EPHA6: variants seen among roughly 807,000 people sequenced by gnomAD.
The protein encoded by EPHA6 is EPH receptor A6.
Under a neutral mutation model 112.0 loss-of-function variants are expected in EPHA6, and 50 were observed. The ratio of observed to expected loss-of-function variants is 0.45; its 90% CI spans 0.36 to 0.56. The LOEUF (loss-of-function observed/expected upper bound fraction) is 0.56, where lower values mean the gene tolerates loss of function less well. EPHA6 is among the 20% of genes least tolerant of loss of function. The probability of loss-of-function intolerance (pLI) is 0.00; values close to 1 mark genes in which losing one functional copy is unlikely to be tolerated. For synonymous variants in EPHA6, 529 were observed against 490.7 expected (o/e 1.08, Z -1.03); for missense variants, 1,280 against 1,417.4 (o/e 0.90, Z 1.56).
At chr3:96,961,854 A>G (rs112062944) in intron 2 of EPHA6, among the ~76,000 whole-genome samples, 2 of 152,156 alleles carry the variant, frequency 1.3e-5, no homozygotes, top group Non-Finnish European at 2.9e-5. Context: ...TGATTTTGAG[A>G]TAGGAATTTT....
chr3:97,272,761 T>C (rs1352829414), intron 5 of EPHA6, among the ~76,000 whole-genome samples: 1 of 152,014 alleles, frequency 6.6e-6, no homozygotes, highest in East Asian at 1.9e-4. Context: ...TTCACTTCTT[T>C]TGTGGTGGAA....
At position 97,760,632 on chromosome 3, in the gene EPHA6, A is replaced by G. The variant is rs1049768503; in HGVS notation, c.*11931A>G. ...CGCATCAAATTTTAAATGGTAGATGATATCAACAATTGCAGTGCACTCAAA... is the reference window on the plus strand; with the variant it reads ...CGCATCAAATTTTAAATGGTAGATGGTATCAACAATTGCAGTGCACTCAAA... On this transcript the variant is annotated 3_prime_UTR_variant, in exon 18 of 18. Transcript: ENST00000389672. 5.6e-6 allele frequency: 1 copy of G among 179,996 alleles called. No individual in the cohort carries two copies. Among genetic ancestry groups the G allele is most frequent in the African/African-American group, 2.4e-5 (1 of 42,362 alleles). 11.1% of individuals were successfully genotyped at this position (179,996 alleles called of 1,614,324 possible). A position where few individuals can be genotyped will look rare whatever the true frequency, so the allele number is the denominator to read the frequency against.
rs1298682247 is a variant in EPHA6 at position 97,648,459 on chromosome 3, GA to G, written c.2784+10378del. On this transcript the variant is annotated intron_variant, in intron 14 of 17. Coordinates refer to ENST00000389672, the MANE Select transcript of EPHA6 (RefSeq NM_001080448.3). ...TAATGTGTATTTTAAAGTTGGGAGA[GA>G]TTCTCCTTCACCTAATTTAGGTGTT... is the stretch of plus-strand genomic sequence containing the variant. 4.6e-6 allele frequency: 6 copies of G among 1,307,600 alleles called. No individual in the cohort carries two copies. The African/African-American group carries it at 9.1e-5, about 20-fold the overall frequency. 81.0% of individuals were successfully genotyped at this position (1,307,600 alleles called of 1,614,324 possible).
At chr3:97,075,963 C>T (rs1304492214) in intron 3 of EPHA6, among the ~76,000 whole-genome samples, 1 of 152,004 alleles carries the variant, frequency 6.6e-6, no homozygotes, top group Non-Finnish European at 1.5e-5. Flanking sequence ...GACTACTCTA[C>T]CATCTATCTG....
At chr3:97,374,867 A>T (rs2085258534) in intron 5 of EPHA6, among the ~76,000 whole-genome samples, 1 of 152,126 alleles carries the variant, frequency 6.6e-6, no homozygotes, top group South Asian at 2.1e-4. Context: ...CCAGATTTAA[A>T]TATTTTTCCT....
intron 5 of EPHA6, among the ~76,000 whole-genome samples, chr3:97,365,794 GA>G (rs750065290): frequency 4.6e-5 from 7 of 152,296 alleles, no homozygotes; most frequent in Non-Finnish European, 1.0e-4. Flanking sequence ...GAATTTAAAT[GA>G]AAGGTAACTT....
intron 5 of EPHA6, among the ~76,000 whole-genome samples, chr3:97,342,688 C>G (rs111301353): frequency 1.3e-5 from 2 of 152,036 alleles, no homozygotes; most frequent in African/African-American, 4.8e-5. Context: ...AAGTTTGTCT[C>G]CTTGCCCTCT....
At chr3:97,606,756 G>C (rs2093682837) in intron 12 of EPHA6, among the ~76,000 whole-genome samples, 1 of 151,092 alleles carries the variant, frequency 6.6e-6, no homozygotes, top group South Asian at 2.1e-4. Context: ...TGCCTTAGAG[G>C]CATAAGAATA....
intron 3 of EPHA6, among the ~76,000 whole-genome samples, chr3:97,181,980 T>A (rs1239272243): frequency 6.6e-6 from 1 of 152,016 alleles, no homozygotes; most frequent in African/African-American, 2.4e-5. Context: ...GCCAATTAGA[T>A]CCCATCTTCT....
intron 1 of EPHA6, among the ~76,000 whole-genome samples, chr3:96,816,659 CCAAA>C (rs1478653999): frequency 2.0e-5 from 3 of 151,940 alleles, no homozygotes; most frequent in East Asian, 1.9e-4. Context: ...AATAATTTCC[CCAAA>C]CAATGTTTAT....
intron 3 of EPHA6, among the ~76,000 whole-genome samples, chr3:97,149,567 G>A (rs2076121034): frequency 1.3e-5 from 2 of 152,040 alleles, no homozygotes; most frequent in African/African-American, 2.4e-5. Flanking sequence ...TTGTTAAGCA[G>A]CAAGGGATTA....
chr3:97,220,953 C>T (rs1352596229), intron 3 of EPHA6, among the ~76,000 whole-genome samples: 2 of 152,072 alleles, frequency 1.3e-5, no homozygotes, highest in East Asian at 3.9e-4. Flanking sequence ...ATGCACTATT[C>T]CAAAAGATGT....
intron 11 of EPHA6, chr3:97,569,821 T>A (rs959395612): frequency 1.3e-5 from 2 of 152,188 alleles, no homozygotes; most frequent in African/African-American, 4.8e-5. Context: ...TAAAAATGCA[T>A]CTGTTTGTTG....
chr3:97,644,038 G>A (rs1472779314), intron 14 of EPHA6, among the ~76,000 whole-genome samples: 1 of 151,366 alleles, frequency 6.6e-6, no homozygotes, highest in African/African-American at 2.4e-5. Flanking sequence ...ATACTTGGAA[G>A]TAAAGCTCTC....
At chr3:97,734,409 G>T (rs2035168088) in intron 15 of EPHA6, among the ~76,000 whole-genome samples, 1 of 151,958 alleles carries the variant, frequency 6.6e-6, no homozygotes, top group Non-Finnish European at 1.5e-5. Flanking sequence ...TAAAACCCAA[G>T]CCTAGTTGCT....
chr3:97,604,603 T>C (rs985367824), intron 12 of EPHA6, among the ~76,000 whole-genome samples: 4 of 151,686 alleles, frequency 2.6e-5, no homozygotes, highest in African/African-American at 7.3e-5. Context: ...AACATTTTAG[T>C]GACAAACATT....
Position 97,638,085 on chromosome 3 carries a change from A to G in EPHA6, c.2784+3A>G. On this transcript the variant is annotated splice_donor_region_variant and intron_variant, in intron 14 of 17. Coordinates refer to ENST00000389672, the MANE Select transcript of EPHA6 (RefSeq NM_001080448.3). Reference sequence around the variant, plus strand: ...CAGAAGCTGCTTATACAACAACTGTAAGTTTATATGCCCTTTCCTAATATA... The same window carrying G: ...CAGAAGCTGCTTATACAACAACTGTGAGTTTATATGCCCTTTCCTAATATA... 1 of 1,604,306 alleles carries G rather than the reference A, an allele frequency of 6.2e-7. No individual in the cohort carries two copies. The highest frequency in any genetic ancestry group is 8.5e-7 in the Non-Finnish European group (1 of 1,172,110).
At position 97,537,256 on chromosome 3, in the gene EPHA6, T is replaced by A. The variant is rs115955547; in HGVS notation, c.2386+4713T>A. Among the ~76,000 whole-genome samples, 1,203 of 152,128 alleles carry A rather than the reference T, an allele frequency of 7.9e-3. 18 individuals are homozygous for A. The highest frequency in any genetic ancestry group is 0.028 in the African/African-American group (1,152 of 41,506). The stretch of plus-strand genomic sequence containing the variant: ...TCTGATTTTACTGATATACATTAGA[T>A]TTTTTTTACCCCTGAGGTTCAGCTC... On this transcript the variant is annotated intron_variant, in intron 11 of 17. Transcript: ENST00000389672.
chr3:97,061,645 A>T (rs1253267470), intron 3 of EPHA6, among the ~76,000 whole-genome samples: 1 of 152,216 alleles, frequency 6.6e-6, no homozygotes, highest in African/African-American at 2.4e-5. Context: ...GTAAAAAGAA[A>T]TAAGACTGTG....
Sources: allele counts gnomAD v4.1 joint callset (sites outside exome capture counted in the v4.1 genomes callset), GRCh38; gene constraint gnomAD v4.1.1; transcripts MANE v1.5; gene names NCBI Gene and HGNC (gene_info 2026-07-23, HGNC 2026-07-21).